Variants in ASIC2 observed in about 807,000 individuals in gnomAD.
ASIC2 encodes acid sensing ion channel subunit 2.
Under a neutral mutation model 57.3 loss-of-function variants are expected in ASIC2, and 25 were observed. The ratio of observed to expected loss-of-function variants is 0.44; its 90% CI spans 0.32 to 0.61. The LOEUF (loss-of-function observed/expected upper bound fraction) is 0.61. ASIC2 is among the 20% of genes least tolerant of loss of function. ASIC2 has a pLI of 0.06. For missense variants in ASIC2, 641 were observed against 738.1 expected (o/e 0.87, Z 1.52); for synonymous variants, 319 against 307.5 (o/e 1.04, Z -0.39).
intron 1 of ASIC2, among the ~76,000 whole-genome samples, chr17:33,620,339 T>C (rs1264578380): frequency 6.6e-6 from 1 of 152,030 alleles, no homozygotes; most frequent in African/African-American, 2.4e-5. Context: ...CTATACACAG[T>C]TGATGGCAAA....
At chr17:34,067,544 G>A (rs1010444317) in intron 1 of ASIC2, among the ~76,000 whole-genome samples, 1 of 152,154 alleles carries the variant, frequency 6.6e-6, no homozygotes, top group African/African-American at 2.4e-5. Flanking sequence ...ACAATTATAA[G>A]TATGAATACT....
intron 1 of ASIC2, among the ~76,000 whole-genome samples, chr17:33,723,483 C>G (rs938905286): frequency 1.3e-5 from 2 of 152,088 alleles, no homozygotes; most frequent in East Asian, 3.9e-4. Context: ...TGTATGCCAC[C>G]ATGTCTGGCT....
intron 1 of ASIC2, among the ~76,000 whole-genome samples, chr17:33,627,830 C>T (rs1437509697): frequency 6.6e-6 from 1 of 152,178 alleles, no homozygotes; most frequent in Non-Finnish European, 1.5e-5. Context: ...GGCCCTCATT[C>T]ACTGCATACC....
At chr17:33,342,559 C>G (rs1473454688) in intron 1 of ASIC2, among the ~76,000 whole-genome samples, 1 of 152,128 alleles carries the variant, frequency 6.6e-6, no homozygotes, top group African/African-American at 2.4e-5. Flanking sequence ...ATAGCCTGAC[C>G]ATTCCTGGGG....
At chr17:33,850,119 T>A (rs365728) in intron 1 of ASIC2, among the ~76,000 whole-genome samples, 45,962 of 151,948 alleles carry the variant, frequency 0.3, 7,296 homozygotes, top group East Asian at 0.49. Context: ...ATTACTGTTC[T>A]CTTCAGGTGC....
intron 1 of ASIC2, among the ~76,000 whole-genome samples, chr17:33,985,257 AAC>A (rs1415682839): frequency 2.6e-5 from 4 of 152,058 alleles, no homozygotes; most frequent in Admixed American, 6.6e-5. Flanking sequence ...AAGTACAATA[AAC>A]TTCTCTGAAA....
At chr17:33,741,448 T>C (rs1371495775) in intron 1 of ASIC2, among the ~76,000 whole-genome samples, 1 of 152,206 alleles carries the variant, frequency 6.6e-6, no homozygotes. Flanking sequence ...CTTTACTTTT[T>C]ACATGCGTGA....
chr17:33,119,211 G>T (rs1597587188), intron 1 of ASIC2, among the ~76,000 whole-genome samples: 2 of 152,096 alleles, frequency 1.3e-5, no homozygotes, highest in Non-Finnish European at 2.9e-5. Context: ...TGGGTGATGG[G>T]TTTCTCATCT....
chr17:34,034,501 A>G (rs1286698032), intron 1 of ASIC2, among the ~76,000 whole-genome samples: 4 of 152,128 alleles, frequency 2.6e-5, no homozygotes, highest in African/African-American at 9.7e-5. Flanking sequence ...AGTCTTGGAA[A>G]TTCTGGCCAG....
At chr17:33,712,636 CTTTTTTTTTTTTT>C (rs60673332) in intron 1 of ASIC2, among the ~76,000 whole-genome samples, 4 of 63,590 alleles carry the variant, frequency 6.3e-5, no homozygotes, top group Non-Finnish European at 8.8e-5. Context: ...ACTCATATGG[CTTTTTTTTTTTTT>C]TTTTTTTTTT....
intron 1 of ASIC2, among the ~76,000 whole-genome samples, chr17:34,062,628 T>C (rs971800943): frequency 6.6e-6 from 1 of 152,036 alleles, no homozygotes; most frequent in African/African-American, 2.4e-5. Flanking sequence ...ATTAGCAAGA[T>C]TAACCAAGAA....
chr17:33,983,979 G>T (rs916408268), intron 1 of ASIC2, among the ~76,000 whole-genome samples: 1 of 152,212 alleles, frequency 6.6e-6, no homozygotes, highest in Non-Finnish European at 1.5e-5. Context: ...CTGGCAGCAT[G>T]TGTCCATGCT....
At chr17:33,893,246 G>A (rs1025717582) in intron 1 of ASIC2, among the ~76,000 whole-genome samples, 1 of 152,130 alleles carries the variant, frequency 6.6e-6, no homozygotes, top group African/African-American at 2.4e-5. Context: ...AATCCATTTG[G>A]TCAAAAACAA....
intron 1 of ASIC2, among the ~76,000 whole-genome samples, chr17:33,310,843 T>A (rs1453979355): frequency 6.6e-6 from 1 of 152,230 alleles, no homozygotes; most frequent in African/African-American, 2.4e-5. Flanking sequence ...GAGATAGAGA[T>A]ACATAAATGT....
At chr17:33,166,246 A>G (rs1226825975) in intron 1 of ASIC2, among the ~76,000 whole-genome samples, 1 of 152,234 alleles carries the variant, frequency 6.6e-6, no homozygotes, top group Non-Finnish European at 1.5e-5. Context: ...GTAAGGATTA[A>G]ATAGGTAAAT....
At chr17:33,781,614 G>A (rs189227510) in intron 1 of ASIC2, among the ~76,000 whole-genome samples, 13 of 152,284 alleles carry the variant, frequency 8.5e-5, no homozygotes. Context: ...GACACAGAGC[G>A]AACACAGGAG....
At chr17:33,929,849 G>A (rs930823637) in intron 1 of ASIC2, among the ~76,000 whole-genome samples, 1 of 152,164 alleles carries the variant, frequency 6.6e-6, no homozygotes, top group Non-Finnish European at 1.5e-5. Flanking sequence ...GAAAATATAC[G>A]ATAAAAGGCT....
At chr17:33,323,523 G>C (rs1045000529) in intron 1 of ASIC2, among the ~76,000 whole-genome samples, 3 of 152,164 alleles carry the variant, frequency 2.0e-5, no homozygotes, top group Non-Finnish European at 2.9e-5. Context: ...GACCAACCTG[G>C]CCAACTTGGT....
chr17:34,130,921 AG>A (rs1175319939), intron 1 of ASIC2, among the ~76,000 whole-genome samples: 2 of 152,256 alleles, frequency 1.3e-5, no homozygotes, highest in South Asian at 4.1e-4. Context: ...TTCAATGGAC[AG>A]AGAACAAGTA....
Sources: gnomAD v4.1 joint callset for allele counts (sites outside exome capture counted in the v4.1 genomes callset) on GRCh38, gnomAD v4.1.1 for gene constraint, MANE v1.5 for transcripts, NCBI Gene and HGNC (gene_info 2026-07-23, HGNC 2026-07-21) for gene names.